IL34: variants seen among roughly 807,000 people sequenced by gnomAD.
IL34 encodes the protein interleukin-34.
In IL34, 17 loss-of-function variants were observed where a neutral mutation model predicts 25.3. The observed-to-expected ratio is 0.67, with a 90% CI of 0.46 to 1.01. IL34 has a LOEUF of 1.01. Among genes scored for constraint, IL34 ranks in the 50% least tolerant of loss-of-function variants. The pLI is 0.00. For missense variants in IL34, 368 were observed against 312.9 expected (o/e 1.18, Z -1.33); for synonymous variants, 174 against 140.9 (o/e 1.23, Z -1.66).
intron 1 of IL34, among the ~76,000 whole-genome samples, chr16:70,650,000 T>A (rs536379143): frequency 6.6e-6 from 1 of 152,166 alleles, no homozygotes; most frequent in Non-Finnish European, 1.5e-5. Flanking sequence ...GGTTTCACCA[T>A]GTTGGCCAGA....
chr16:70,658,435 G>A (rs1411058313), intron 4 of IL34, among the ~76,000 whole-genome samples: 1 of 151,878 alleles, frequency 6.6e-6, no homozygotes, highest in Non-Finnish European at 1.5e-5. Flanking sequence ...GCCTCCCAAA[G>A]TCCTGGGATT....
intron 1 of IL34, among the ~76,000 whole-genome samples, chr16:70,617,824 A>T (rs12598752): frequency 0.4 from 57,923 of 143,324 alleles, 8,775 homozygotes; most frequent in South Asian, 0.55. Flanking sequence ...CAGACTGTAT[A>T]GAGGTGGGAA....
intron 1 of IL34, among the ~76,000 whole-genome samples, chr16:70,584,317 T>G (rs1217779517): frequency 6.6e-6 from 1 of 152,192 alleles, no homozygotes; most frequent in Non-Finnish European, 1.5e-5. Context: ...AGGGGCTGCC[T>G]GGACAGCTCC....
chr16:70,631,742 T>C (rs2051522549), intron 1 of IL34, among the ~76,000 whole-genome samples: 1 of 152,184 alleles, frequency 6.6e-6, no homozygotes. Context: ...GAAGCAGGTA[T>C]ACACTGGGCG....
chr16:70,618,108 T>G (rs993578892), intron 1 of IL34, among the ~76,000 whole-genome samples: 89 of 152,102 alleles, frequency 5.9e-4, no homozygotes, highest in Non-Finnish European at 1.1e-3. Flanking sequence ...GTTATTTCCT[T>G]GAGGATAGAT....
intron 1 of IL34, among the ~76,000 whole-genome samples, chr16:70,624,073 G>A (rs2051338054): frequency 6.6e-6 from 1 of 152,136 alleles, no homozygotes; most frequent in Non-Finnish European, 1.5e-5. Context: ...AAGCCGAGAA[G>A]GAGTCAGTCA....
intron 1 of IL34, among the ~76,000 whole-genome samples, chr16:70,650,344 C>A (rs989612709): frequency 8.5e-5 from 13 of 152,230 alleles, no homozygotes; most frequent in African/African-American, 3.1e-4. Context: ...CAGAGGAAGG[C>A]TGCCCAGTTG....
chr16:70,608,148 A>G (rs1448583576), intron 1 of IL34, among the ~76,000 whole-genome samples: 2 of 93,176 alleles, frequency 2.1e-5, no homozygotes, highest in African/African-American at 4.2e-5. Context: ...TTTTTTTTTG[A>G]GATAGAGTCT....
intron 1 of IL34, among the ~76,000 whole-genome samples, chr16:70,618,762 G>T (rs2051215424): frequency 1.3e-5 from 2 of 152,152 alleles, no homozygotes; most frequent in South Asian, 2.1e-4. Context: ...GTTTTTATGA[G>T]AATTATGCAG....
In IL34 at chr16:70,627,454, C is replaced by CCTT. The variant is rs1426100525; in HGVS notation, c.-400-19093_-400-19092insTTC. Among the ~76,000 whole-genome samples the CCTT allele has an allele frequency of 1.4e-3, 198 of 141,904 alleles. 3 individuals are homozygous for CCTT. Among genetic ancestry groups the CCTT allele is most frequent in the African/African-American group, 5.0e-3 (179 of 35,522 alleles). 93.1% of individuals were successfully genotyped at this position (141,904 alleles called of 152,430 possible). A position where few individuals can be genotyped will look rare whatever the true frequency, so the allele number is the denominator to read the frequency against. On this transcript the variant is annotated intron_variant, in intron 1 of 6. Transcript: ENST00000429149. ...CTCCCCTCCCCCTCCGCTCCCCTCCCCCTCCTCCCCCTTCCCTCCCCTCTT... is the reference window on the plus strand; with the variant it reads ...CTCCCCTCCCCCTCCGCTCCCCTCCCCTTCCTCCTCCCCCTTCCCTCCCCTCTT...
rs554385220 is a variant in IL34 at position 70,660,422 on chromosome 16, G to C, written c.*235G>C. Reference sequence around the variant, plus strand: ...GGACCTGGGGACCTGAAGGTGGATGGGGACACAGCTCCTGGCTTCTCCTGG... The same window carrying C: ...GGACCTGGGGACCTGAAGGTGGATGCGGACACAGCTCCTGGCTTCTCCTGG... On this transcript the variant is annotated 3_prime_UTR_variant, in exon 6 of 6. Transcript: ENST00000288098. The C allele has an allele frequency of 6.2e-5, 29 of 466,058 alleles. No individual in the cohort carries two copies. Among genetic ancestry groups the C allele is most frequent in the African/African-American group, 5.8e-4 (29 of 50,376 alleles). 28.9% of individuals were successfully genotyped at this position (466,058 alleles called of 1,614,324 possible). A position where few individuals can be genotyped will look rare whatever the true frequency, so the allele number is the denominator to read the frequency against.
At chr16:70,652,461 A>G (rs1049014558) in intron 1 of IL34, among the ~76,000 whole-genome samples, 26 of 152,226 alleles carry the variant, frequency 1.7e-4, no homozygotes, top group African/African-American at 6.3e-4. Flanking sequence ...CCCTATTTGA[A>G]AAGAAAAACA....
At chr16:70,605,954 G>A (rs945083103) in intron 1 of IL34, among the ~76,000 whole-genome samples, 120 of 147,330 alleles carry the variant, frequency 8.1e-4, no homozygotes, top group Middle Eastern at 3.5e-3. Flanking sequence ...TTACAGGCGT[G>A]AGCCACCGCA....
At chr16:70,611,446 A>C (rs568439700) in intron 1 of IL34, among the ~76,000 whole-genome samples, 1 of 152,044 alleles carries the variant, frequency 6.6e-6, no homozygotes, top group Non-Finnish European at 1.5e-5. Context: ...AGGGGTGCAA[A>C]AGCCTGACCT....
rs1004813329 is a variant in IL34, at chr16:70,646,829, C to A, written c.-119C>A. 36 of 987,178 alleles carry A rather than the reference C, an allele frequency of 3.6e-5. No homozygotes were observed. In the African/African-American group the frequency reaches 5.7e-4, roughly 16 times the overall value. 61.2% of individuals were successfully genotyped at this position (987,178 alleles called of 1,614,324 possible). ...GCCCAGCCACTCCTCCAGGGCCAGCCCTTCCCTGACTGAGTGACCACCTCT... is the reference window on the plus strand; with the variant it reads ...GCCCAGCCACTCCTCCAGGGCCAGCACTTCCCTGACTGAGTGACCACCTCT... On this transcript the variant is annotated 5_prime_UTR_variant, in exon 1 of 6. Coordinates refer to ENST00000288098, the MANE Select transcript of IL34 (RefSeq NM_001393494.1).
At chr16:70,631,937 T>A (rs1277122847) in intron 1 of IL34, among the ~76,000 whole-genome samples, 2 of 151,194 alleles carry the variant, frequency 1.3e-5, no homozygotes, top group African/African-American at 4.9e-5. Context: ...AAAAAAAAAA[T>A]TATAATACAA....
chr16:70,625,220 G>A (rs1440037273), intron 1 of IL34, among the ~76,000 whole-genome samples: 2 of 151,918 alleles, frequency 1.3e-5, no homozygotes, highest in Non-Finnish European at 2.9e-5. Flanking sequence ...GGGAGAAGGA[G>A]GAATGGATGG....
chr16:70,642,154 G>C (rs1038253772), upstream of IL34, among the ~76,000 whole-genome samples: 3 of 152,130 alleles, frequency 2.0e-5, no homozygotes, highest in Non-Finnish European at 4.4e-5. Context: ...TTGATTTCCG[G>C]TGAGGGCTCT....
At chr16:70,645,532 G>A (rs1005323582), upstream of IL34, among the ~76,000 whole-genome samples, 2 of 152,220 alleles carry the variant, frequency 1.3e-5, no homozygotes, top group African/African-American at 4.8e-5. Flanking sequence ...AGACCTTGCA[G>A]AGTCCAGAGG....
Sources: allele counts gnomAD v4.1 joint callset (sites outside exome capture counted in the v4.1 genomes callset), GRCh38; gene constraint gnomAD v4.1.1; transcripts MANE v1.5; gene names NCBI Gene and HGNC (gene_info 2026-07-23, HGNC 2026-07-21).